Variants in A2ML1 observed in about 807,000 individuals in gnomAD.
A2ML1 encodes alpha-2-macroglobulin-like protein 1.
In A2ML1, 161 loss-of-function variants were observed where a neutral mutation model predicts 181.9. The ratio of observed to expected loss-of-function variants is 0.89; its 90% CI spans 0.78 to 1.01. The LOEUF (loss-of-function observed/expected upper bound fraction) is 1.01, where lower values mean the gene tolerates loss of function less well. A2ML1 is among the 50% of genes least tolerant of loss of function. The pLI is 0.00. For synonymous variants in A2ML1, 663 were observed against 666.8 expected (o/e 0.99, Z 0.09); for missense variants, 1,670 against 1,768.1 (o/e 0.94, Z 1.00).
rs376707182 is a variant in A2ML1, at chr12:8,848,900, T to C, written c.2014T>C (p.Phe672Leu). The change falls in exon 16 of 36, where the codon TTC becomes CTC. Residue 672 changes from phenylalanine to leucine, a missense_variant. Physicochemically the swap from Phe to Leu is conservative, Grantham distance 22. Coordinates refer to ENST00000299698, the MANE Select transcript of A2ML1 (RefSeq NM_144670.6). ...RPSFSEGTDLFSFFRDVGLKI... is the reference protein window; with the variant it reads ...RPSFSEGTDLLSFFRDVGLKI... ...CTCGTTCTCTGAAGGCACGGACCTT[T>C]TCAGCTTTTTCCGGGTAGGTCTTCT... The C allele has an allele frequency of 2.0e-5, 32 of 1,611,690 alleles. No homozygotes were observed. In the African/African-American group the frequency reaches 3.1e-4, roughly 15 times the overall value.
At chr12:8,826,769 C>A (rs915274217) in intron 3 of A2ML1, among the ~76,000 whole-genome samples, 1 of 152,096 alleles carries the variant, frequency 6.6e-6, no homozygotes, top group African/African-American at 2.4e-5. Flanking sequence ...CAGGTGAGCG[C>A]CACCACCCCT....
At chr12:8,857,468 A>G (rs759257451) in intron 24 of A2ML1, 39 bp from the exon 25 acceptor site, 2 of 1,610,286 alleles carry the variant, frequency 1.2e-6, no homozygotes, top group South Asian at 1.1e-5. Flanking sequence ...TGTTTTCTGA[A>G]GTTGTCGCTG....
intron 34 of A2ML1, 96 bp from the exon 35 acceptor site, chr12:8,874,875 C>T (rs1944750864): frequency 1.7e-6 from 2 of 1,189,784 alleles, no homozygotes; most frequent in East Asian, 4.7e-5. Context: ...TGTAGAGATT[C>T]TCTGGAAGGG....
Position 8,852,358 on chromosome 12 carries a change from C to T in A2ML1, c.2590+22C>T, listed in dbSNP as rs59537297. ...TTGGGTAAGAGAGGGAAGTGGTAGA[C>T]GGGCGAGGAAAGCCAGCAGCAGAAG... On this transcript the variant is annotated intron_variant, in intron 20 of 35. Coordinates refer to ENST00000299698, the MANE Select transcript of A2ML1 (RefSeq NM_144670.6). The surrounding 1 kb of genome is among the most constrained non-coding windows in gnomAD (Gnocchi z 4.2). 2.2e-5 allele frequency: 36 copies of T among 1,613,528 alleles called. No homozygotes were observed. Among genetic ancestry groups the T allele is most frequent in the East Asian group, 2.0e-4 (9 of 44,880 alleles).
intron 3 of A2ML1, among the ~76,000 whole-genome samples, chr12:8,827,483 A>T (rs940417177): frequency 6.6e-6 from 1 of 152,046 alleles, no homozygotes; most frequent in African/African-American, 2.4e-5. Context: ...AATTTATCTG[A>T]TAAGATTCTG....
At chr12:8,868,761 T>G (rs1175755998) in intron 32 of A2ML1, 134 bp downstream of exon 32, 1 of 649,152 alleles carries the variant, frequency 1.5e-6, no homozygotes, top group African/African-American at 1.8e-5. Flanking sequence ...TACATATATA[T>G]GTATGTATAT....
At position 8,850,279 on chromosome 12, in the gene A2ML1, G is replaced by A. The variant is rs751822035; in HGVS notation, c.2234+5G>A. 2 of 1,603,758 alleles carry A rather than the reference G, an allele frequency of 1.2e-6. No individual in the cohort carries two copies. The highest frequency in any genetic ancestry group is 4.5e-5 in the East Asian group (2 of 44,668). ...CTGGGATCTGTTTCCTATTGGGTAA[G>A]TGATGACTCAAAAGTACAGTAAAGG... On this transcript the variant is annotated splice_donor_5th_base_variant and intron_variant, in intron 18 of 35. Transcript: ENST00000299698.
chr12:8,824,251 T>G (rs12817822), intron 3 of A2ML1, among the ~76,000 whole-genome samples: 3 of 133,422 alleles, frequency 2.2e-5, no homozygotes, highest in Non-Finnish European at 4.8e-5. Context: ...TTTTTTTTTG[T>G]ATTTGTTCAT....
At chr12:8,844,851 T>C (rs1248594373) in intron 12 of A2ML1, 2 of 396,266 alleles carry the variant, frequency 5.0e-6, no homozygotes, top group East Asian at 6.2e-5. Flanking sequence ...GTGGAATGGC[T>C]AATGCTGGGC....
chr12:8,852,641 A>G lies in A2ML1; in HGVS notation c.2590+305A>G, dbSNP rs188628354. 6.6e-6 allele frequency among the ~76,000 whole-genome samples: 1 copy of G among 152,342 alleles called. No homozygotes were observed. Among genetic ancestry groups the G allele is most frequent in the Admixed American group, 6.5e-5 (1 of 15,302 alleles). On this transcript the variant is annotated intron_variant, in intron 20 of 35. Coordinates refer to ENST00000299698, the MANE Select transcript of A2ML1 (RefSeq NM_144670.6). The surrounding 1 kb of genome is among the most constrained non-coding windows in gnomAD (Gnocchi z 4.2). ...TATAAGAGTCCCTGGGCCAGGCACT[A>G]TTCTAACTGCTTTACATATATTAAC... is the stretch of plus-strand genomic sequence containing the variant.
chr12:8,845,602 C>G (rs1943643669), intron 13 of A2ML1, 100 bp downstream of exon 13: 42 of 1,190,330 alleles, frequency 3.5e-5, no homozygotes, highest in Non-Finnish European at 5.0e-5. Flanking sequence ...AATCCCAGCA[C>G]TTTGGGAGGC....
intron 15 of A2ML1, among the ~76,000 whole-genome samples, 161 bp from the exon 16 acceptor site, chr12:8,848,555 TAGAC>T (rs760140414): frequency 7.9e-5 from 12 of 152,120 alleles, no homozygotes; most frequent in Non-Finnish European, 1.6e-4. Context: ...GTTAAAGTTT[TAGAC>T]AGTGAGAAAG....
chr12:8,845,893 A>ATAAAATAAAAT (rs71045215), intron 13 of A2ML1, among the ~76,000 whole-genome samples, 184 bp from the exon 14 acceptor site: 1 of 150,400 alleles, frequency 6.6e-6, no homozygotes, highest in African/African-American at 2.4e-5. Flanking sequence ...ATAAAATAAA[A>ATAAAATAAAAT]AAATTCTTAT....
chr12:8,831,005 G>T (rs1943094208), intron 4 of A2ML1: 1 of 150,548 alleles, frequency 6.6e-6, no homozygotes, highest in Admixed American at 6.6e-5. Flanking sequence ...CTGGAGTGCA[G>T]TGGCAGTCAT....
chr12:8,854,295 T>A (rs1428224152), intron 21 of A2ML1, 46 bp downstream of exon 21: 5 of 1,542,422 alleles, frequency 3.2e-6, no homozygotes, highest in Non-Finnish European at 4.4e-6. Context: ...CGAGGGATGC[T>A]CAGCATCTCG....
intron 12 of A2ML1, among the ~76,000 whole-genome samples, chr12:8,843,667 C>T (rs891696326): frequency 1.3e-5 from 2 of 151,576 alleles, no homozygotes; most frequent in Non-Finnish European, 2.9e-5. Context: ...ACACTTAAAG[C>T]GTATCTCAGT....
At chr12:8,832,997 G>T (rs1292588726) in intron 4 of A2ML1, among the ~76,000 whole-genome samples, 1 of 23,430 alleles carries the variant, frequency 4.3e-5, no homozygotes, top group Non-Finnish European at 1.2e-4. Context: ...TTTTTGAGAC[G>T]GAGTTTCGCT....
chr12:8,840,769 A>G (rs1038355088), intron 10 of A2ML1, among the ~76,000 whole-genome samples: 18 of 151,774 alleles, frequency 1.2e-4, no homozygotes, highest in African/African-American at 4.1e-4. Context: ...TTAGCCAGGT[A>G]TGGTGGCACG....
chr12:8,850,119 T>C, intron 17 of A2ML1, 41 bp from the exon 18 acceptor site: 1 of 1,457,982 alleles, frequency 6.9e-7, no homozygotes, highest in East Asian at 2.3e-5. Context: ...CAACAAGAAG[T>C]CTCCTGTTTC....
Sources: gnomAD v4.1 joint callset for allele counts (sites outside exome capture counted in the v4.1 genomes callset) on GRCh38, gnomAD v4.1.1 for gene constraint, Gnocchi (gnomAD v3.1) non-coding constraint, MANE v1.5 for transcripts, NCBI Gene and HGNC (gene_info 2026-07-23, HGNC 2026-07-21) for gene names.